SLC26A9: variants seen among roughly 807,000 people sequenced by gnomAD.
SLC26A9 encodes the protein solute carrier family 26 member 9, also known as anion transporter/exchanger protein 9.
In SLC26A9, 46 loss-of-function variants were observed where a neutral mutation model predicts 87.1. The observed-to-expected ratio is 0.53, with a 90% CI of 0.42 to 0.67. The LOEUF (loss-of-function observed/expected upper bound fraction) is 0.67. SLC26A9 is among the 30% of genes least tolerant of loss of function. The probability of loss-of-function intolerance (pLI) is 0.00; values close to 1 mark genes in which losing one functional copy is unlikely to be tolerated. For synonymous variants in SLC26A9, 437 were observed against 409.1 expected, an observed-to-expected ratio of 1.07 and a Z score of -0.82; for missense variants, 927 against 1,018.3, an observed-to-expected ratio of 0.91 and a Z score of 1.22.
chr1:205,928,969 T>C, intron 7 of SLC26A9, 60 bp from the exon 8 acceptor site: 1 of 1,584,944 alleles, frequency 6.3e-7, no homozygotes, highest in Non-Finnish European at 8.7e-7. Flanking sequence ...GGCAGGCGTC[T>C]CTCTCAAGTC....
In SLC26A9 at chr1:205,927,295, C is replaced by T. The variant is rs749137384; in HGVS notation, c.1216-7G>A. The stretch of plus-strand genomic sequence containing the variant: ...ACACACACAGGCTGGCCACCTATTC[C>T]GAGAAAGAGTTGGGGATAGAGGGAA... On this transcript the variant is annotated splice_polypyrimidine_tract_variant and splice_region_variant and intron_variant, in intron 10 of 20. Transcript: ENST00000367135. The T allele has an allele frequency of 8.1e-6, 13 of 1,613,986 alleles. No homozygotes were observed. The highest frequency in any genetic ancestry group is 6.7e-5 in the East Asian group (3 of 44,900).
chr1:205,923,364 C>T lies in SLC26A9; in HGVS notation c.1630G>A (p.Glu544Lys). 1.9e-6 allele frequency: 3 copies of T among 1,614,194 alleles called. No homozygotes were observed. Among genetic ancestry groups the T allele is most frequent in the Non-Finnish European group, 2.5e-6 (3 of 1,180,042 alleles). ...GCGATGACCTTTTGCCTGAAGATCTCTGAGTTGGCAAAGTAGAGAGGGGAG... is the reference window on the plus strand; with the variant it reads ...GCGATGACCTTTTGCCTGAAGATCTTTGAGTTGGCAAAGTAGAGAGGGGAG... ...YCSPLYFANS[E>K]IFRQKVIAKT... is the part of the protein sequence containing the mutation. The change falls in exon 15 of 21, where the codon GAG becomes AAG. Residue 544 changes from glutamate (E) to lysine (K), a missense_variant. Physicochemically the swap from Glu to Lys is moderately conservative, Grantham distance 56 (BLOSUM62 1). Transcript: ENST00000367135.
intron 8 of SLC26A9, chr1:205,928,261 C>T: frequency 1.6e-6 from 1 of 625,464 alleles, no homozygotes; most frequent in Non-Finnish European, 2.7e-6. Context: ...GCTGAGAGAA[C>T]CTAACTTGCC....
chr1:205,929,498 C>G, intron 6 of SLC26A9, 142 bp from the exon 7 acceptor site: 1 of 1,318,048 alleles, frequency 7.6e-7, no homozygotes, highest in Non-Finnish European at 1.0e-6. Context: ...GATCAGGAAC[C>G]CTGTCCCGTC....
chr1:205,923,150 G>C lies in SLC26A9; in HGVS notation c.1705C>G (p.Leu569Val). 6.2e-7 allele frequency: 1 copy of C among 1,614,148 alleles called. No homozygotes were observed. Among genetic ancestry groups the C allele is most frequent in the South Asian group, 1.1e-5 (1 of 91,084 alleles). ...ATTCTCCGCTTCTCCTGCTTCTTGA[G>C]GTATTTTTGCTTGGCTAGTAATACT... ...QKVLLAKQKY[L>V]KKQEKRRMRP... Residue 569 changes from leucine to valine, a missense_variant, in exon 16 of 21, where the codon CTC becomes GTC. Physicochemically the swap from Leu to Val is conservative, Grantham distance 32. Transcript: ENST00000367135.
intron 20 of SLC26A9, 147 bp from the exon 21 acceptor site, chr1:205,915,551 AGAGT>A (rs1558117169): frequency 4.1e-6 from 4 of 978,640 alleles, no homozygotes; most frequent in East Asian, 2.7e-5. Flanking sequence ...TGTGTGTGCG[AGAGT>A]GTGTGTGAAC....
intron 5 of SLC26A9, 100 bp from the exon 6 acceptor site, chr1:205,930,156 T>C: frequency 7.7e-7 from 1 of 1,302,782 alleles, no homozygotes; most frequent in Non-Finnish European, 1.0e-6. Flanking sequence ...CTCCGTGCAG[T>C]CCTAGCGTAG....
chr1:205,935,862 A>AG, intron 1 of SLC26A9, 24 bp from the exon 2 acceptor site: 1 of 1,598,022 alleles, frequency 6.3e-7, no homozygotes, highest in Non-Finnish European at 8.5e-7. Flanking sequence ...AGAGGAGGGG[A>AG]GGGTGAGGGA....
At chr1:205,927,421 C>T in intron 10 of SLC26A9, 71 bp downstream of exon 10, 4 of 1,550,210 alleles carry the variant, frequency 2.6e-6, no homozygotes, top group Non-Finnish European at 3.5e-6. Flanking sequence ...GCCTGGCTTG[C>T]AGTGCCCAGG....
At chr1:205,923,770 G>A (rs570518426) in intron 13 of SLC26A9, among the ~76,000 whole-genome samples, 157 bp from the exon 14 acceptor site, 1 of 152,320 alleles carries the variant, frequency 6.6e-6, no homozygotes, top group Admixed American at 6.5e-5. Context: ...GGAGACACAT[G>A]TCTGGTGGCC....
chr1:205,923,555 T>C lies in SLC26A9; in HGVS notation c.1555A>G (p.Thr519Ala). The C allele has an allele frequency of 6.2e-7, 1 of 1,614,054 alleles. No individual in the cohort carries two copies. The highest frequency in any genetic ancestry group is 8.5e-7 in the Non-Finnish European group (1 of 1,180,004). ...MDTDIYVNPKTYNRAQDIQGI... is the reference protein window; with the variant it reads ...MDTDIYVNPKAYNRAQDIQGI... Reference sequence around the variant, plus strand: ...CTTGAATTACCTACCCTATTATAGGTCTTGGGATTCACATAAATGTCAGTG... The same window carrying C: ...CTTGAATTACCTACCCTATTATAGGCCTTGGGATTCACATAAATGTCAGTG... The change falls in exon 14 of 21, where the codon ACC (threonine) becomes GCC (alanine). Residue 519 changes from threonine to alanine, a missense_variant. Coordinates refer to ENST00000367135, the MANE Select transcript of SLC26A9 (RefSeq NM_052934.4).
rs1658776295 is a variant in SLC26A9 at position 205,920,369 on chromosome 1, TAGC to T, written c.2056-142_2056-140del. ...AGAGCCCAGCAGCCAAAGACAAAAA[TAGC>T]AGCAAAGCACACCACTTCTCCCTGG... On this transcript the variant is annotated intron_variant, in intron 17 of 20. Coordinates refer to ENST00000367135, the MANE Select transcript of SLC26A9 (RefSeq NM_052934.4). 6 of 909,418 alleles carry T rather than the reference TAGC, an allele frequency of 6.6e-6. No individual in the cohort carries two copies. In the South Asian group the frequency reaches 8.6e-5, roughly 13 times the overall value. 56.3% of individuals were successfully genotyped at this position (909,418 alleles called of 1,614,324 possible).
At chr1:205,943,122 G>A (rs552047935) in intron 1 of SLC26A9, among the ~76,000 whole-genome samples, 1 of 152,272 alleles carries the variant, frequency 6.6e-6, no homozygotes, top group Admixed American at 6.5e-5. Flanking sequence ...CACCCTACTT[G>A]CTCCCTCAGT....
At position 205,931,847 on chromosome 1, in the gene SLC26A9, G is replaced by A. The variant is rs538739007; in HGVS notation, c.552+13C>T. 4.3e-6 allele frequency: 7 copies of A among 1,609,316 alleles called. No individual in the cohort carries two copies. Among genetic ancestry groups the A allele is most frequent in the Admixed American group, 3.3e-5 (2 of 59,840 alleles). On this transcript the variant is annotated intron_variant, in intron 5 of 20. Coordinates refer to ENST00000367135, the MANE Select transcript of SLC26A9 (RefSeq NM_052934.4). ...TGATGCCCTTCTAGCAGGGTTGGGGGCTGCCCCCTCACCTGGATGATGGCG... is the reference window on the plus strand; with the variant it reads ...TGATGCCCTTCTAGCAGGGTTGGGGACTGCCCCCTCACCTGGATGATGGCG...
chr1:205,929,389 C>T lies in SLC26A9; in HGVS notation c.718-33G>A, dbSNP rs941687079. 6.2e-6 allele frequency: 10 copies of T among 1,607,134 alleles called. No homozygotes were observed. In the African/African-American group the frequency reaches 9.4e-5, roughly 15 times the overall value. On this transcript the variant is annotated intron_variant, in intron 6 of 20. Coordinates refer to ENST00000367135, the MANE Select transcript of SLC26A9 (RefSeq NM_052934.4). ...AAAGAGCATCATGCTCACAGGCTCC[C>T]ACCCCTTCTTCCCATAATACCCCAC...
At chr1:205,941,995 C>CCTTCCAT (rs1558132397) in intron 1 of SLC26A9, among the ~76,000 whole-genome samples, 1 of 152,172 alleles carries the variant, frequency 6.6e-6, no homozygotes, top group African/African-American at 2.4e-5. Context: ...TGGCTCTGCC[C>CCTTCCAT]CTTCCATCTT....
At chr1:205,927,872 C>G in intron 9 of SLC26A9, 30 bp downstream of exon 9, 2 of 1,609,434 alleles carry the variant, frequency 1.2e-6, no homozygotes, top group Non-Finnish European at 1.7e-6. Flanking sequence ...ACCTGTCCTG[C>G]CCAGTCCTGC....
intron 5 of SLC26A9, among the ~76,000 whole-genome samples, chr1:205,931,011 G>T (rs1176364861): frequency 1.3e-5 from 2 of 152,110 alleles, no homozygotes; most frequent in African/African-American, 4.8e-5. Context: ...ACTTATCTTT[G>T]TATCCCAGGG....
chr1:205,926,447 T>C, intron 12 of SLC26A9, 88 bp downstream of exon 12: 1 of 1,095,758 alleles, frequency 9.1e-7, no homozygotes, highest in South Asian at 1.3e-5. Flanking sequence ...GACTAGAGGG[T>C]TCATTGTTAG....
Sources: gnomAD v4.1 joint callset for allele counts (sites outside exome capture counted in the v4.1 genomes callset) on GRCh38, gnomAD v4.1.1 for gene constraint, MANE v1.5 for transcripts, NCBI Gene and HGNC (gene_info 2026-07-23, HGNC 2026-07-21) for gene names.